Variants in SLC20A2 observed in about 807,000 individuals in gnomAD.
The protein encoded by SLC20A2 is solute carrier family 20 member 2, also known as sodium-dependent phosphate transporter 2.
Under a neutral mutation model 61.0 loss-of-function variants are expected in SLC20A2, and 30 were observed. The ratio of observed to expected loss-of-function variants is 0.49; its 90% CI spans 0.37 to 0.67. The LOEUF (loss-of-function observed/expected upper bound fraction) is 0.67. SLC20A2 is among the 30% of genes least tolerant of loss of function. The pLI is 0.00. For synonymous variants in SLC20A2, 351 were observed against 353.3 expected (o/e 0.99, Z 0.07); for missense variants, 626 against 866.4 (o/e 0.72, Z 3.48).
intron 1 of SLC20A2, among the ~76,000 whole-genome samples, chr8:42,486,172 G>GTA (rs1808996949): frequency 6.7e-6 from 1 of 149,590 alleles, no homozygotes; most frequent in Non-Finnish European, 1.5e-5. Context: ...GTGTGTGTAT[G>GTA]TGTGGACTCA....
intron 1 of SLC20A2, chr8:42,485,044 T>C (rs960747542): frequency 1.8e-5 from 4 of 216,226 alleles, no homozygotes; most frequent in Non-Finnish European, 3.8e-5. Flanking sequence ...GGGAGGGAGG[T>C]GCTAACAGCC....
At chr8:42,455,100 C>T (rs1806044504) in intron 5 of SLC20A2, among the ~76,000 whole-genome samples, 1 of 151,134 alleles carries the variant, frequency 6.6e-6, no homozygotes, top group Non-Finnish European at 1.5e-5. Context: ...TGGCGTGCGT[C>T]TTGTAGTCCC....
At chr8:42,457,028 A>G (rs1806269333) in intron 5 of SLC20A2, among the ~76,000 whole-genome samples, 1 of 151,674 alleles carries the variant, frequency 6.6e-6, no homozygotes, top group Admixed American at 6.6e-5. Context: ...GGTTCAAGTG[A>G]TTCTCCTGCC....
At position 42,458,951 on chromosome 8, in the gene SLC20A2, C is replaced by A. The variant is rs564044212; in HGVS notation, c.613+945G>T. 2.5e-4 allele frequency among the ~76,000 whole-genome samples: 33 copies of A among 134,314 alleles called. 1 individual carries two copies. In the East Asian group the frequency reaches 3.4e-3, roughly 14 times the overall value. The allele number at this position is 134,314 out of a possible 152,430, so 88.1% of individuals were successfully genotyped here. On this transcript the variant is annotated intron_variant, in intron 5 of 10. Transcript: ENST00000520262. Reference sequence around the variant, plus strand: ...AAAAATAATTTTTAACCCCCCCCCCCACAAAAAACCTCTGAACCTTTATAC... The same window carrying A: ...AAAAATAATTTTTAACCCCCCCCCCAACAAAAAACCTCTGAACCTTTATAC...
At chr8:42,431,481 A>G (rs1240542021) in intron 8 of SLC20A2, among the ~76,000 whole-genome samples, 1 of 152,246 alleles carries the variant, frequency 6.6e-6, no homozygotes, top group Non-Finnish European at 1.5e-5. Context: ...TCATAGCATA[A>G]AAGTGCAAGG....
chr8:42,493,541 A>G (rs1809683063), intron 1 of SLC20A2, among the ~76,000 whole-genome samples: 1 of 152,196 alleles, frequency 6.6e-6, no homozygotes, highest in Non-Finnish European at 1.5e-5. Context: ...CTGAAATTTT[A>G]ATGGATAATC....
intron 9 of SLC20A2, 148 bp downstream of exon 9, chr8:42,429,916 G>A (rs1474797202): frequency 1.7e-6 from 1 of 590,738 alleles, no homozygotes; most frequent in East Asian, 3.1e-5. Flanking sequence ...GGCATGCTAG[G>A]TGGGGCCATT....
chr8:42,519,211 C>T (rs567120651), intron 1 of SLC20A2, among the ~76,000 whole-genome samples: 1 of 152,148 alleles, frequency 6.6e-6, no homozygotes, highest in Admixed American at 6.5e-5. Flanking sequence ...TTTGGGAGGC[C>T]GAGGCAGACA....
intron 6 of SLC20A2, among the ~76,000 whole-genome samples, chr8:42,441,438 C>G (rs960828226): frequency 6.6e-6 from 1 of 151,726 alleles, no homozygotes; most frequent in Non-Finnish European, 1.5e-5. Context: ...AGGCATGAGT[C>G]ACCGTGCCTG....
intron 10 of SLC20A2, among the ~76,000 whole-genome samples, chr8:42,422,902 C>T (rs956207107): frequency 2.6e-5 from 4 of 152,106 alleles, no homozygotes; most frequent in Admixed American, 2.0e-4. Flanking sequence ...TGTGATCTGA[C>T]ATTTTGTTAG....
At chr8:42,483,440 C>T (rs187630186) in intron 1 of SLC20A2, among the ~76,000 whole-genome samples, 122 of 152,256 alleles carry the variant, frequency 8.0e-4, no homozygotes, top group African/African-American at 2.9e-3. Context: ...AGGTTGCAGC[C>T]CACCGAAGTG....
At chr8:42,458,089 C>A (rs1806354673) in intron 5 of SLC20A2, among the ~76,000 whole-genome samples, 1 of 151,996 alleles carries the variant, frequency 6.6e-6, no homozygotes, top group African/African-American at 2.4e-5. Context: ...GGCCAATAAC[C>A]AAATCTTCAT....
rs1240307664 is a variant in SLC20A2, at chr8:42,463,823, AC to A, written c.431-734del. Among the ~76,000 whole-genome samples the A allele has an allele frequency of 5.3e-5, 8 of 152,082 alleles. No homozygotes were observed. The East Asian group carries it at 1.5e-3, about 29-fold the overall frequency. Reference sequence around the variant, plus strand: ...CCTGGCAGCTCAGGGATCCCATTTGACCCAGGACTCCTAAGGTCATCATGAT... The same window carrying A: ...CCTGGCAGCTCAGGGATCCCATTTGACCAGGACTCCTAAGGTCATCATGAT... On this transcript the variant is annotated intron_variant, in intron 3 of 10. Coordinates refer to ENST00000520262, the MANE Select transcript of SLC20A2 (RefSeq NM_001257180.2).
intron 3 of SLC20A2, among the ~76,000 whole-genome samples, chr8:42,465,146 C>T (rs1807053712): frequency 1.3e-5 from 2 of 151,782 alleles, no homozygotes; most frequent in South Asian, 4.2e-4. Context: ...CAAACTCTGC[C>T]TTCCAGGTTG....
chr8:42,418,508 T>G (rs1802823054), intron 10 of SLC20A2, among the ~76,000 whole-genome samples: 1 of 152,108 alleles, frequency 6.6e-6, no homozygotes. Flanking sequence ...TGTCTCAGCC[T>G]CCTGAGTAGG....
At chr8:42,471,174 C>T (rs1162761011) in intron 2 of SLC20A2, 1 of 456,210 alleles carries the variant, frequency 2.2e-6, no homozygotes, top group South Asian at 1.5e-5. Flanking sequence ...CCGTATACAT[C>T]AGCTGTCTGT....
intron 1 of SLC20A2, among the ~76,000 whole-genome samples, chr8:42,496,793 A>G (rs918710522): frequency 6.6e-6 from 1 of 152,190 alleles, no homozygotes; most frequent in Non-Finnish European, 1.5e-5. Context: ...GTAGGGTCCA[A>G]CTTTCCTTGC....
chr8:42,438,079 A>C (rs796724349), intron 7 of SLC20A2, among the ~76,000 whole-genome samples: 3,486 of 147,966 alleles, frequency 0.024, 127 homozygotes, highest in African/African-American at 0.039. Context: ...AAAAAAAAAA[A>C]AAAAAAAAAA....
intron 1 of SLC20A2, among the ~76,000 whole-genome samples, chr8:42,492,474 CACGAG>C (rs1809594918): frequency 6.6e-6 from 1 of 152,140 alleles, no homozygotes; most frequent in South Asian, 2.1e-4. Flanking sequence ...AGTAGAAAGA[CACGAG>C]ATGATGAAGA....
Sources: gnomAD v4.1 joint callset for allele counts (sites outside exome capture counted in the v4.1 genomes callset) on GRCh38, gnomAD v4.1.1 for gene constraint, MANE v1.5 for transcripts, NCBI Gene and HGNC (gene_info 2026-07-23, HGNC 2026-07-21) for gene names.